The following WT1 variants were observed in gnomAD, a reference collection of about 807,000 sequenced individuals.
WT1 encodes Wilms tumor protein.
WT1 carries 8 observed loss-of-function variants against 60.8 expected under a neutral mutation model. That is an observed-to-expected ratio of 0.13 (90% CI 0.08 to 0.24). The LOEUF (loss-of-function observed/expected upper bound fraction) is 0.24, where lower values mean the gene tolerates loss of function less well. Ranked by LOEUF, WT1 falls within the 10% of genes least tolerant of loss-of-function variation. WT1 has a pLI of 1.00. For missense variants in WT1, 568 were observed against 711.8 expected (o/e 0.80, Z 2.30); for synonymous variants, 312 against 297.1 (o/e 1.05, Z -0.52).
At position 32,427,939 on chromosome 11, in the gene WT1, GC is replaced by G. The variant is rs1853112904; in HGVS notation, c.887+16del. ...GGGGTCCCAAGGACCCAGACGCAGA[GC>G]CCAGCGCCTTCCTACCTGCTGTAGG... On this transcript the variant is annotated intron_variant, in intron 3 of 9. Transcript: ENST00000452863. 1 of 1,602,614 alleles carries G rather than the reference GC, an allele frequency of 6.2e-7. No individual in the cohort carries two copies. The highest frequency in any genetic ancestry group is 8.5e-7 in the Non-Finnish European group (1 of 1,175,208).
intron 7 of WT1, among the ~76,000 whole-genome samples, chr11:32,395,465 T>C (rs1851937139): frequency 6.6e-6 from 1 of 150,474 alleles, no homozygotes; most frequent in African/African-American, 2.4e-5. Flanking sequence ...AAAATCATCA[T>C]CTCTCTCTCT....
At chr11:32,423,318 C>A (rs539476094) in intron 3 of WT1, among the ~76,000 whole-genome samples, 1 of 152,262 alleles carries the variant, frequency 6.6e-6, no homozygotes, top group Non-Finnish European at 1.5e-5. Flanking sequence ...TTCACCCCAA[C>A]AGTTCACACC....
At position 32,399,990 on chromosome 11, in the gene WT1, G is replaced by C. The variant is rs775630812; in HGVS notation, c.1071C>G (p.Ala357=). ...CACCGTGCGTGTGTATTCTGTATTGGGCTCCGCAGAGGATGGGCGTTGTGT... is the reference window on the plus strand; with the variant it reads ...CACCGTGCGTGTGTATTCTGTATTGCGCTCCGCAGAGGATGGGCGTTGTGT... The change falls in exon 6 of 10, where the codon GCC becomes GCG. Residue 357 remains alanine (A), a synonymous_variant. Coordinates refer to ENST00000452863, the MANE Select transcript of WT1 (RefSeq NM_024426.6). 2.5e-6 allele frequency: 4 copies of C among 1,614,092 alleles called. No homozygotes were observed. Among genetic ancestry groups the C allele is most frequent in the African/African-American group, 2.7e-5 (2 of 74,928 alleles).
At chr11:32,401,939 G>T (rs1362256573) in intron 5 of WT1, among the ~76,000 whole-genome samples, 2 of 152,250 alleles carry the variant, frequency 1.3e-5, no homozygotes, top group South Asian at 2.1e-4. Context: ...GGTTCCAGGG[G>T]TCCTGGGCAG....
chr11:32,434,776 G>C lies in WT1; in HGVS notation c.585C>G (p.Ser195=). 3 of 1,612,660 alleles carry C rather than the reference G, an allele frequency of 1.9e-6. No homozygotes were observed. Among genetic ancestry groups the C allele is most frequent in the Non-Finnish European group, 2.5e-6 (3 of 1,179,820 alleles). The change falls in exon 1 of 10, where the codon TCC becomes TCG. Residue 195 remains serine, a synonymous_variant. Coordinates refer to ENST00000452863, the MANE Select transcript of WT1 (RefSeq NM_024426.6). ...CGTTAGGAAACATCCTGGCCTGGCC[G>C]GATGACGCCTGGCTGGGCGGAGGAG...
intron 7 of WT1, among the ~76,000 whole-genome samples, chr11:32,394,769 A>T (rs921299228): frequency 6.6e-6 from 1 of 152,182 alleles, no homozygotes; most frequent in Non-Finnish European, 1.5e-5. Flanking sequence ...TGCAAGGAAG[A>T]GTTTCTTAAA....
At chr11:32,417,492 T>G (rs2295081) in intron 4 of WT1, 85 bp downstream of exon 4, 1 of 1,267,332 alleles carries the variant, frequency 7.9e-7, no homozygotes, top group Non-Finnish European at 1.1e-6. Context: ...AAACTGTACT[T>G]TCTTCATAAG....
At chr11:32,404,828 C>A (rs1458118896) in intron 5 of WT1, among the ~76,000 whole-genome samples, 1 of 152,210 alleles carries the variant, frequency 6.6e-6, no homozygotes, top group African/African-American at 2.4e-5. Flanking sequence ...CAACCTTGGT[C>A]ATGATCCCTG....
chr11:32,417,533 G>A (rs1243859082), intron 4 of WT1, 44 bp downstream of exon 4: 1 of 1,540,178 alleles, frequency 6.5e-7, no homozygotes, highest in South Asian at 1.1e-5. Context: ...GTTCAAACAG[G>A]TATAAGTTAC....
intron 5 of WT1, among the ~76,000 whole-genome samples, chr11:32,406,480 G>A (rs926330494): frequency 2.6e-5 from 4 of 152,084 alleles, no homozygotes; most frequent in African/African-American, 9.7e-5. Context: ...ACCTCCTGCT[G>A]CAAGGACCAA....
intron 9 of WT1, among the ~76,000 whole-genome samples, chr11:32,390,460 A>G (rs1203394708): frequency 6.6e-6 from 1 of 152,228 alleles, no homozygotes; most frequent in African/African-American, 2.4e-5. Flanking sequence ...AGAAGCATCA[A>G]AGGCACCTGA....
intron 1 of WT1, among the ~76,000 whole-genome samples, chr11:32,433,605 A>G (rs534711031): frequency 1.3e-5 from 2 of 152,376 alleles, no homozygotes; most frequent in South Asian, 4.1e-4. Flanking sequence ...AGCGTTTACT[A>G]AATTACCGAA....
intron 1 of WT1, among the ~76,000 whole-genome samples, chr11:32,429,848 C>T (rs978688384): frequency 1.3e-5 from 2 of 152,024 alleles, no homozygotes; most frequent in African/African-American, 4.8e-5. Context: ...CCCACTCTTG[C>T]ACTATTTGAC....
rs1463046780 is a variant in WT1 at position 32,395,355 on chromosome 11, A to C, written c.1264+902T>G. ...TTCTGTGACATGGCTGTCCACATTC[A>C]AGGTGGCCAACACCAAACAATGCCA... On this transcript the variant is annotated intron_variant, in intron 7 of 9. Transcript: ENST00000452863. 2.0e-5 allele frequency among the ~76,000 whole-genome samples: 3 copies of C among 152,224 alleles called. No homozygotes were observed. In the South Asian group the frequency reaches 6.2e-4, roughly 32 times the overall value.
In WT1 at chr11:32,434,675, A is replaced by AG. The variant is rs1442327624; in HGVS notation, c.661+24dup. ...TCCCTGGCGCCACTGCCCCGCGCGT[A>AG]GGGGGCGCTCCCCGGCCTACTTACC... On this transcript the variant is annotated intron_variant, in intron 1 of 9. Coordinates refer to ENST00000452863, the MANE Select transcript of WT1 (RefSeq NM_024426.6). 4 of 1,612,260 alleles carry AG rather than the reference A, an allele frequency of 2.5e-6. No individual in the cohort carries two copies. The African/African-American group carries it at 5.3e-5, about 22-fold the overall frequency.
At chr11:32,419,087 T>G (rs926004530) in intron 3 of WT1, among the ~76,000 whole-genome samples, 15 of 152,200 alleles carry the variant, frequency 9.9e-5, no homozygotes. Context: ...CTCCTGCAGC[T>G]TCCCTGTTTG....
chr11:32,410,598 C>T lies in WT1; in HGVS notation c.1016+5892G>A, dbSNP rs5030237. Among the ~76,000 whole-genome samples the T allele has an allele frequency of 7.7e-3, 1,173 of 152,210 alleles. 14 individuals carry two copies. Among genetic ancestry groups the T allele is most frequent in the African/African-American group, 0.027 (1,111 of 41,532 alleles). On this transcript the variant is annotated intron_variant, in intron 5 of 9. Coordinates refer to ENST00000452863, the MANE Select transcript of WT1 (RefSeq NM_024426.6). ...AAACAGTTATCTCTGGGTGGTGAGA[C>T]AACAGATTAATTTTCTTTTCCTCTT...
intron 3 of WT1, among the ~76,000 whole-genome samples, chr11:32,418,584 AG>A (rs1852754895): frequency 6.6e-6 from 1 of 152,234 alleles, no homozygotes; most frequent in Admixed American, 6.5e-5. Flanking sequence ...AAATGAAAAA[AG>A]ATAAGAGGCA....
chr11:32,423,877 C>T (rs892917441), intron 3 of WT1, among the ~76,000 whole-genome samples: 2 of 152,276 alleles, frequency 1.3e-5, no homozygotes, highest in African/African-American at 2.4e-5. Flanking sequence ...AAAAGTGATA[C>T]ATTGGCCTGG....
Sources: gnomAD v4.1 joint callset for allele counts (sites outside exome capture counted in the v4.1 genomes callset) on GRCh38, gnomAD v4.1.1 for gene constraint, MANE v1.5 for transcripts, NCBI Gene and HGNC (gene_info 2026-07-23, HGNC 2026-07-21) for gene names.